Variants in EHBP1L1 observed in about 807,000 individuals in gnomAD.
EHBP1L1 encodes the protein EH domain binding protein 1 like 1.
A neutral mutation model predicts 151.1 loss-of-function variants in EHBP1L1; 122 were observed. The observed-to-expected ratio is 0.81, with a 90% CI of 0.70 to 0.94. The LOEUF (loss-of-function observed/expected upper bound fraction) is 0.94. EHBP1L1 is among the 40% of genes least tolerant of loss of function. EHBP1L1 has a pLI of 0.00. For synonymous variants in EHBP1L1, 878 were observed against 810.1 expected (o/e 1.08, Z -1.42); for missense variants, 1,941 against 1,959.8 (o/e 0.99, Z 0.18).
At position 65,579,358 on chromosome 11, in the gene EHBP1L1, G is replaced by A. The variant is rs376949897; in HGVS notation, c.180G>A (p.Pro60=). The A allele has an allele frequency of 5.4e-4, 850 of 1,567,808 alleles. 13 individuals are homozygous for A. The South Asian group carries it at 7.7e-3, about 14-fold the overall frequency. Residue 60 remains proline, a synonymous_variant, in exon 3 of 19, where the codon CCG becomes CCA. Transcript: ENST00000309295. Reference sequence around the variant, plus strand: ...CCTTGTAGGCCCACAGCTGGCAGCCGGGCATCCAGAACCCATACCGGGGCA... The same window carrying A: ...CCTTGTAGGCCCACAGCTGGCAGCCAGGCATCCAGAACCCATACCGGGGCA... ...RICSKAHSWQ[P]GIQNPYRGTV... is the part of the protein sequence containing the mutation.
chr11:65,576,329 G>A lies in EHBP1L1; in HGVS notation c.27G>A (p.Gln9=). The change falls in exon 1 of 19, where the codon CAG becomes CAA. Residue 9 remains glutamine, a synonymous_variant. Coordinates refer to ENST00000309295, the MANE Select transcript of EHBP1L1 (RefSeq NM_001099409.3). The stretch of plus-strand genomic sequence containing the variant: ...TGACCTCGGTGTGGAAGCGCCTGCA[G>A]CGCGTGGGCAAGCGGGCGGCCAAGT... MTSVWKRL[Q]RVGKRAAKFQ... is the part of the protein sequence containing the mutation. 1.3e-6 allele frequency: 2 copies of A among 1,598,238 alleles called. No homozygotes were observed. The highest frequency in any genetic ancestry group is 1.3e-5 in the African/African-American group (1 of 74,814).
chr11:65,581,658 G>T lies in EHBP1L1; in HGVS notation c.986G>T (p.Gly329Val). 6.4e-7 allele frequency: 1 copy of T among 1,562,102 alleles called. No individual in the cohort carries two copies. Among genetic ancestry groups the T allele is most frequent in the East Asian group, 2.4e-5 (1 of 41,962 alleles). ...QGEDEVPKAS[G>V]APPAGLGSAR... is the part of the protein sequence containing the mutation. The stretch of plus-strand genomic sequence containing the variant: ...GAAGATGAGGTCCCCAAAGCCTCAG[G>T]GGCTCCTCCAGCAGGATTGGGCTCT... Residue 329 changes from glycine to valine, a missense_variant, in exon 9 of 19, where the codon GGG (glycine) becomes GTG (valine). Gly to Val is a moderately radical substitution (Grantham distance 109, BLOSUM62 -3). Transcript: ENST00000309295.
rs575953003 is a variant in EHBP1L1, at chr11:65,590,946, G to A, written c.4283+354G>A. On this transcript the variant is annotated intron_variant, in intron 16 of 18. Transcript: ENST00000309295. ...CTTGGAAGGCTGAGGCAGGAGAATC[G>A]CTTGAACCTGGGAGGCAGAGGTTGC... Among the ~76,000 whole-genome samples, 46 of 152,024 alleles carry A rather than the reference G, an allele frequency of 3.0e-4. 1 individual carries two copies. In the South Asian group the frequency reaches 7.5e-3, roughly 25 times the overall value.
chr11:65,578,998 G>A (rs1165493843), intron 1 of EHBP1L1, 80 bp from the exon 2 acceptor site: 2 of 1,363,412 alleles, frequency 1.5e-6, no homozygotes, highest in African/African-American at 1.4e-5. Flanking sequence ...AGCTGGGGGA[G>A]GAGGAAGAGG....
chr11:65,584,281 A>C lies in EHBP1L1; in HGVS notation c.3134A>C (p.Glu1045Ala). Residue 1045 changes from glutamate (E) to alanine (A), a missense_variant, in exon 10 of 19, where the codon GAG becomes GCG. Transcript: ENST00000309295. ...ALVSSSQSLLEWCQEVTTGYR... is the reference protein window; with the variant it reads ...ALVSSSQSLLAWCQEVTTGYR... ...GTCAGCTCCAGCCAGTCCCTGCTGGAGTGGTGCCAGGAAGTCACCACTGGC... is the reference window on the plus strand; with the variant it reads ...GTCAGCTCCAGCCAGTCCCTGCTGGCGTGGTGCCAGGAAGTCACCACTGGC... 1 of 1,611,606 alleles carries C rather than the reference A, an allele frequency of 6.2e-7. No individual in the cohort carries two copies. Among genetic ancestry groups the C allele is most frequent in the East Asian group, 2.2e-5 (1 of 44,844 alleles).
In EHBP1L1 at chr11:65,583,612, G is replaced by A; in HGVS notation, c.2940G>A (p.Gly980=). 6.2e-7 allele frequency: 1 copy of A among 1,609,106 alleles called. No homozygotes were observed. The highest frequency in any genetic ancestry group is 8.5e-7 in the Non-Finnish European group (1 of 1,177,730). The change falls in exon 9 of 19, where the codon GGG becomes GGA. Residue 980 remains glycine (G), a synonymous_variant. Coordinates refer to ENST00000309295, the MANE Select transcript of EHBP1L1 (RefSeq NM_001099409.3). ...TTAAGGCCCAGGAAGCGGAGGCTGG[G>A]GTCTTGGGAAATGAGAAGGGGAAAG... ...GTFKAQEAEA[G]VLGNEKGKEA... is the part of the protein sequence containing the mutation.
At chr11:65,581,149 G>C in intron 7 of EHBP1L1, 23 bp downstream of exon 7, 1 of 1,612,534 alleles carries the variant, frequency 6.2e-7, no homozygotes, top group Non-Finnish European at 8.5e-7. Context: ...CTGGGGTTGG[G>C]GGTGGAGACT....
chr11:65,584,268 C>T lies in EHBP1L1; in HGVS notation c.3121C>T (p.Gln1041Ter). Residue 1041 changes from glutamine (Q) to a stop codon, truncating the protein, a stop_gained, in exon 10 of 19, where the codon CAG becomes TAG. Transcript: ENST00000309295. LOFTEE classifies it high-confidence loss of function. ...QAPPALVSSS[Q>*]SLLEWCQEVT... ...ACCACCTGCCCTGGTCAGCTCCAGC[C>T]AGTCCCTGCTGGAGTGGTGCCAGGA... 6.2e-7 allele frequency: 1 copy of T among 1,611,200 alleles called. No homozygotes were observed. The highest frequency in any genetic ancestry group is 8.5e-7 in the Non-Finnish European group (1 of 1,178,966).
At chr11:65,586,382 G>A (rs1328663736) in intron 12 of EHBP1L1, among the ~76,000 whole-genome samples, 1 of 152,232 alleles carries the variant, frequency 6.6e-6, no homozygotes, top group East Asian at 1.9e-4. Context: ...TCAACCAAGG[G>A]GCAGCTCTGC....
intron 11 of EHBP1L1, 125 bp downstream of exon 11, chr11:65,584,659 AC>A: frequency 2.4e-6 from 3 of 1,270,086 alleles, no homozygotes; most frequent in Admixed American, 2.1e-5. Context: ...GCCACTTTTT[AC>A]CCCTTTGGTC....
rs776759194 is a variant in EHBP1L1 at position 65,583,052 on chromosome 11, A to C, written c.2380A>C (p.Thr794Pro). The part of the protein sequence containing the change: ...SGVPGLEADT[T>P]GIQVKEVGGS... ...GGTCCCAGGGTTAGAAGCTGATACA[A>C]CAGGGATCCAGGTGAAAGAGGTTGG... Residue 794 changes from threonine (T) to proline (P), a missense_variant, in exon 9 of 19, where the codon ACA (threonine) becomes CCA (proline). Coordinates refer to ENST00000309295, the MANE Select transcript of EHBP1L1 (RefSeq NM_001099409.3). 1.2e-6 allele frequency: 2 copies of C among 1,612,986 alleles called. No individual in the cohort carries two copies. Among genetic ancestry groups the C allele is most frequent in the Admixed American group, 3.3e-5 (2 of 59,954 alleles).
chr11:65,589,907 G>A lies in EHBP1L1; in HGVS notation c.4004-29G>A, dbSNP rs368552512. On this transcript the variant is annotated intron_variant, in intron 13 of 18. Coordinates refer to ENST00000309295, the MANE Select transcript of EHBP1L1 (RefSeq NM_001099409.3). ...TTCCTGGGGGTGGGTGGTGGTTAGG[G>A]GGTGCCTTATCATCATCTCTGTCTG... 4.9e-5 allele frequency: 76 copies of A among 1,540,052 alleles called. No individual in the cohort carries two copies. In the African/African-American group the frequency reaches 8.5e-4, roughly 17 times the overall value.
intron 3 of EHBP1L1, 30 bp from the exon 4 acceptor site, chr11:65,579,906 T>C (rs1346244770): frequency 6.8e-6 from 11 of 1,612,292 alleles, no homozygotes; most frequent in African/African-American, 1.3e-5. Context: ...GCCCCAACAG[T>C]CCTGTACTCA....
intron 9 of EHBP1L1, 67 bp downstream of exon 9, chr11:65,583,832 G>A (rs1334302184): frequency 9.1e-6 from 13 of 1,436,010 alleles, no homozygotes; most frequent in African/African-American, 4.3e-5. Context: ...AGCGAACGGC[G>A]GCTCTGCATG....
At chr11:65,584,726 C>A (rs1231460783) in intron 11 of EHBP1L1, 192 bp downstream of exon 11, 3 of 1,023,568 alleles carry the variant, frequency 2.9e-6, no homozygotes, top group Non-Finnish European at 4.2e-6. Flanking sequence ...GTTTTTCCTC[C>A]CTTAGATGGT....
At chr11:65,591,410 T>G (rs960217114) in intron 16 of EHBP1L1, 20 of 338,476 alleles carry the variant, frequency 5.9e-5, no homozygotes, top group Non-Finnish European at 1.1e-4. Flanking sequence ...CTGGTTCCCA[T>G]GTGGGGTCCG....
At chr11:65,578,000 C>A (rs1590810901) in intron 1 of EHBP1L1, among the ~76,000 whole-genome samples, 1 of 152,206 alleles carries the variant, frequency 6.6e-6, no homozygotes, top group South Asian at 2.1e-4. Context: ...TCAAGCATCA[C>A]CCCTCCTGGG....
At chr11:65,591,745 C>T (rs769724269) in intron 16 of EHBP1L1, 55 bp from the exon 17 acceptor site, 43 of 1,376,536 alleles carry the variant, frequency 3.1e-5, no homozygotes, top group South Asian at 1.2e-5. Context: ...TCTCTCCCTA[C>T]GCCCCTTTTC....
At chr11:65,579,237 GA>G in intron 2 of EHBP1L1, 102 bp downstream of exon 2, 1 of 1,511,258 alleles carries the variant, frequency 6.6e-7, no homozygotes, top group Non-Finnish European at 9.0e-7. Context: ...GCACAGATCA[GA>G]ATCCACAGAG....
Sources: allele counts gnomAD v4.1 joint callset (sites outside exome capture counted in the v4.1 genomes callset), GRCh38; gene constraint gnomAD v4.1.1; transcripts MANE v1.5; gene names NCBI Gene and HGNC (gene_info 2026-07-23, HGNC 2026-07-21).